Variants in CHD9 observed in about 807,000 individuals in gnomAD.
The protein encoded by CHD9 is chromodomain helicase DNA binding protein 9, also known as ATP-dependent chromatin remodeler CHD9.
CHD9 carries 77 observed loss-of-function variants against 316.1 expected under a neutral mutation model. That is an observed-to-expected ratio of 0.24 (90% CI 0.20 to 0.29). The LOEUF is 0.29. Ranked by LOEUF, CHD9 falls within the 10% of genes least tolerant of loss-of-function variation. The pLI is 1.00. For synonymous variants in CHD9, 1,129 were observed against 1,158.3 expected, an observed-to-expected ratio of 0.97 and a Z score of 0.51; for missense variants, 2,763 against 3,438.1, an observed-to-expected ratio of 0.80 and a Z score of 4.91.
At chr16:53,303,635 A>C (rs1367098336) in intron 30 of CHD9, 85 bp from the exon 31 acceptor site, 16 of 985,980 alleles carry the variant, frequency 1.6e-5, no homozygotes, top group Non-Finnish European at 2.3e-5. Context: ...TATTGTTATA[A>C]ATATATAAAG....
At chr16:53,097,317 A>G (rs893672557) in intron 1 of CHD9, among the ~76,000 whole-genome samples, 5 of 152,034 alleles carry the variant, frequency 3.3e-5, no homozygotes, top group Non-Finnish European at 7.4e-5. Context: ...TGAAATGCCA[A>G]TTCCTCCTTT....
chr16:53,208,460 C>T (rs1597437353), intron 2 of CHD9: 7 of 1,181,076 alleles, frequency 5.9e-6, no homozygotes, highest in Middle Eastern at 2.7e-4. Flanking sequence ...CGTACTGCAT[C>T]GCCATCTTGA....
chr16:53,251,789 G>C (rs2050149360), intron 17 of CHD9, among the ~76,000 whole-genome samples: 1 of 152,060 alleles, frequency 6.6e-6, no homozygotes, highest in African/African-American at 2.4e-5. Flanking sequence ...TAACATGTAT[G>C]CATATTAATT....
intron 24 of CHD9, among the ~76,000 whole-genome samples, chr16:53,284,860 G>A (rs2053725081): frequency 1.3e-5 from 2 of 152,142 alleles, no homozygotes. Flanking sequence ...CAACTTCCCA[G>A]GCTCAGGAGA....
At chr16:53,260,852 A>G (rs1038332970) in intron 19 of CHD9, among the ~76,000 whole-genome samples, 2 of 152,130 alleles carry the variant, frequency 1.3e-5, no homozygotes, top group Non-Finnish European at 2.9e-5. Flanking sequence ...CACTTTTGTA[A>G]GAACATTTAT....
intron 1 of CHD9, among the ~76,000 whole-genome samples, chr16:53,134,157 AAC>A (rs1290452769): frequency 6.6e-6 from 1 of 152,216 alleles, no homozygotes; most frequent in African/African-American, 2.4e-5. Flanking sequence ...GTGAATAAAA[AAC>A]ACAGGTAAGA....
At chr16:53,320,557 G>A (rs1393484964) in intron 37 of CHD9, among the ~76,000 whole-genome samples, 1 of 151,912 alleles carries the variant, frequency 6.6e-6, no homozygotes, top group African/African-American at 2.4e-5. Flanking sequence ...TAATATAACT[G>A]ATCATATTAA....
At chr16:53,077,328 A>G (rs1393954148) in intron 1 of CHD9, among the ~76,000 whole-genome samples, 1 of 128,312 alleles carries the variant, frequency 7.8e-6, no homozygotes, top group Non-Finnish European at 1.7e-5. Context: ...TTTTAAATTC[A>G]TTTTTTTTTG....
At chr16:53,292,212 G>T (rs1201831897) in intron 28 of CHD9, among the ~76,000 whole-genome samples, 1 of 152,156 alleles carries the variant, frequency 6.6e-6, no homozygotes, top group Non-Finnish European at 1.5e-5. Context: ...ACTCCCACCA[G>T]CATCCCAGAG....
At chr16:53,293,484 C>T (rs527294214) in intron 29 of CHD9, among the ~76,000 whole-genome samples, 1 of 151,410 alleles carries the variant, frequency 6.6e-6, no homozygotes, top group African/African-American at 2.4e-5. Flanking sequence ...GGTGTGGTGG[C>T]GCATGCCTGT....
chr16:53,230,284 C>A (rs2048056207), intron 8 of CHD9, among the ~76,000 whole-genome samples: 1 of 152,154 alleles, frequency 6.6e-6, no homozygotes, highest in South Asian at 2.1e-4. Context: ...GATGTCTTCA[C>A]TACATAATTA....
At chr16:53,242,819 A>G in intron 12 of CHD9, 21 bp from the exon 13 acceptor site, 1 of 1,582,160 alleles carries the variant, frequency 6.3e-7, no homozygotes, top group Non-Finnish European at 8.6e-7. Flanking sequence ...CCAGCAAATA[A>G]TTATATTTGA....
intron 1 of CHD9, among the ~76,000 whole-genome samples, chr16:53,138,551 T>C (rs948887529): frequency 3.9e-5 from 6 of 152,220 alleles, no homozygotes; most frequent in Non-Finnish European, 7.3e-5. Context: ...AAGGGGTTAA[T>C]TGAACTGAGT....
chr16:53,261,592 G>A (rs1172634510), intron 19 of CHD9, among the ~76,000 whole-genome samples: 1 of 151,982 alleles, frequency 6.6e-6, no homozygotes, highest in Non-Finnish European at 1.5e-5. Flanking sequence ...GCCCAGGCTG[G>A]TCTTGAACTT....
intron 24 of CHD9, among the ~76,000 whole-genome samples, chr16:53,279,442 A>G (rs867374509): frequency 6.6e-6 from 1 of 152,196 alleles, no homozygotes; most frequent in African/African-American, 2.4e-5. Flanking sequence ...GTACACCAAC[A>G]TGGCACATGT....
chr16:53,189,662 G>A (rs556114398), intron 2 of CHD9, among the ~76,000 whole-genome samples: 17 of 151,884 alleles, frequency 1.1e-4, no homozygotes, highest in South Asian at 2.1e-4. Context: ...TTGTACTAGC[G>A]TTTGCTGTGT....
intron 1 of CHD9, among the ~76,000 whole-genome samples, chr16:53,086,376 G>A (rs1266743618): frequency 6.6e-6 from 1 of 152,210 alleles, no homozygotes; most frequent in Non-Finnish European, 1.5e-5. Flanking sequence ...TACACAGACT[G>A]GGCTGCCTTA....
intron 1 of CHD9, among the ~76,000 whole-genome samples, chr16:53,143,483 G>A (rs895148038): frequency 6.5e-4 from 98 of 151,618 alleles, no homozygotes; most frequent in African/African-American, 2.3e-3. Context: ...CGCCTCCCGG[G>A]TTCATACCAT....
chr16:53,062,977 G>A (rs1353846498), intron 1 of CHD9, among the ~76,000 whole-genome samples: 2 of 152,076 alleles, frequency 1.3e-5, no homozygotes, highest in South Asian at 2.1e-4. Context: ...CCAAGATCGC[G>A]CCATTGCACT....
Sources: allele counts gnomAD v4.1 joint callset (sites outside exome capture counted in the v4.1 genomes callset), GRCh38; gene constraint gnomAD v4.1.1; transcripts MANE v1.5; gene names NCBI Gene and HGNC (gene_info 2026-07-23, HGNC 2026-07-21).